SETMAR: variants seen among roughly 807,000 people sequenced by gnomAD.
SETMAR encodes the protein histone-lysine N-methyltransferase SETMAR.
In SETMAR, 44 loss-of-function variants were observed where a neutral mutation model predicts 58.4. The observed-to-expected ratio is 0.75, with a 90% CI of 0.59 to 0.97. SETMAR has a LOEUF of 0.97. Among genes scored for constraint, SETMAR ranks in the 50% least tolerant of loss-of-function variants. The pLI is 0.00. For missense variants in SETMAR, 903 were observed against 840.2 expected, an observed-to-expected ratio of 1.07 and a Z score of -0.92; for synonymous variants, 332 against 307.4, an observed-to-expected ratio of 1.08 and a Z score of -0.84.
In SETMAR at chr3:4,313,164, C is replaced by G. The variant is rs777727953; in HGVS notation, c.423C>G (p.Phe141Leu). 6 of 1,613,998 alleles carry G rather than the reference C, an allele frequency of 3.7e-6. No homozygotes were observed. The highest frequency in any genetic ancestry group is 3.3e-5 in the Admixed American group (2 of 59,976). ...RVVQKGLQFHFQVFKTHKKGW... is the reference protein window; with the variant it reads ...RVVQKGLQFHLQVFKTHKKGW... The stretch of plus-strand genomic sequence containing the variant: ...TCCAGAAAGGTCTACAGTTCCACTT[C>G]CAAGTGTTCAAGACGCATAAAAAAG... Residue 141 changes from phenylalanine to leucine, a missense_variant, in exon 2 of 3, where the codon TTC becomes TTG. Phe to Leu is a conservative substitution (Grantham distance 22). Transcript: ENST00000358065.
At position 4,303,426 on chromosome 3, in the gene SETMAR, A is replaced by G. The variant is rs1032777383; in HGVS notation, c.56A>G (p.Glu19Gly). The part of the protein sequence containing the change: ...TRPCGMAEFK[E>G]KPEAPTEQLD... ...CCTTGTGGGATGGCGGAGTTTAAGG[A>G]GAAGCCTGAGGCCCCGACTGAGCAG... is the stretch of plus-strand genomic sequence containing the variant. The change falls in exon 1 of 3, where the codon GAG becomes GGG. Residue 19 changes from glutamate (E) to glycine (G), a missense_variant. By Grantham distance (98) the Glu-to-Gly change is moderately conservative (BLOSUM62 -2). Transcript: ENST00000358065. 3 of 1,554,504 alleles carry G rather than the reference A, an allele frequency of 1.9e-6. No individual in the cohort carries two copies. Among genetic ancestry groups the G allele is most frequent in the Admixed American group, 2.0e-5 (1 of 49,938 alleles).
Position 4,313,134 on chromosome 3 carries a change from A to G in SETMAR, c.393A>G (p.Arg131=), listed in dbSNP as rs751241391. The G allele has an allele frequency of 6.2e-7, 1 of 1,614,096 alleles. No individual in the cohort carries two copies. The highest frequency in any genetic ancestry group is 1.1e-5 in the South Asian group (1 of 91,080). The part of the protein sequence containing the change: ...LCRCSDHCRN[R]VVQKGLQFHF... ...GATGCAGTGACCACTGCAGAAACAG[A>G]GTGGTCCAGAAAGGTCTACAGTTCC... Residue 131 remains arginine (R), a synonymous_variant, in exon 2 of 3, where the codon AGA becomes AGG. Coordinates refer to ENST00000358065, the MANE Select transcript of SETMAR (RefSeq NM_006515.4).
At position 4,313,235 on chromosome 3, in the gene SETMAR, T is replaced by G. The variant is rs1698489956; in HGVS notation, c.494T>G (p.Val165Gly). Residue 165 changes from valine (V) to glycine (G), a missense_variant, in exon 2 of 3, where the codon GTC becomes GGC. Coordinates refer to ENST00000358065, the MANE Select transcript of SETMAR (RefSeq NM_006515.4). The stretch of plus-strand genomic sequence containing the variant: ...GAATTTATACCGAAAGGAAGGTTTG[T>G]CTGTGAATATGCTGGTGAGGTTTTA... ...TLEFIPKGRF[V>G]CEYAGEVLGF... is the part of the protein sequence containing the mutation. The G allele has an allele frequency of 6.2e-7, 1 of 1,613,884 alleles. No homozygotes were observed. The highest frequency in any genetic ancestry group is 8.5e-7 in the Non-Finnish European group (1 of 1,179,998).
chr3:4,304,625 T>G (rs960568545), intron 1 of SETMAR, among the ~76,000 whole-genome samples: 4 of 152,158 alleles, frequency 2.6e-5, no homozygotes, highest in African/African-American at 9.7e-5. Flanking sequence ...AATAATAATT[T>G]AAAAATGCAT....
intron 1 of SETMAR, 150 bp from the exon 2 acceptor site, chr3:4,312,748 T>C (rs1243508771): frequency 2.3e-6 from 2 of 878,002 alleles, no homozygotes; most frequent in East Asian, 2.8e-5. Flanking sequence ...GAGATGTTTT[T>C]GGACAATATC....
chr3:4,306,907 G>A (rs1698211794), intron 1 of SETMAR, among the ~76,000 whole-genome samples: 1 of 152,188 alleles, frequency 6.6e-6, no homozygotes, highest in Non-Finnish European at 1.5e-5. Flanking sequence ...AAGCCAAGTA[G>A]AAAATAAACT....
intron 1 of SETMAR, among the ~76,000 whole-genome samples, chr3:4,308,026 TA>T (rs569000119): frequency 5.0e-4 from 74 of 147,090 alleles, no homozygotes; most frequent in Admixed American, 1.2e-3. Context: ...AGCAACGTCT[TA>T]AAAAAAAAAA....
chr3:4,317,067 G>T lies in SETMAR; in HGVS notation c.1876G>T (p.Val626Phe), dbSNP rs980707405. The T allele has an allele frequency of 3.2e-6, 5 of 1,549,190 alleles. No homozygotes were observed. The highest frequency in any genetic ancestry group is 4.4e-6 in the Non-Finnish European group (5 of 1,146,618). Residue 626 changes from valine (V) to phenylalanine (F), a missense_variant, in exon 3 of 3, where the codon GTC becomes TTC. By Grantham distance (50) the Val-to-Phe change is conservative. Transcript: ENST00000358065. The stretch of plus-strand genomic sequence containing the variant: ...TGACCTCTTGCCAACCAACTACCAC[G>T]TCTTTAAGCATCTCAACAACTTTTT... The part of the protein sequence containing the change: ...SPDLLPTNYH[V>F]FKHLNNFLQG...
rs1224420743 is a variant in SETMAR, at chr3:4,316,262, C to T, written c.1071C>T (p.Phe357=). ...DKKQIRAIFL[F]EFKMGRKAAE... ...AGCAAATTCGAGCAATTTTCTTATT[C>T]GAGTTCAAAATGGGTCGTAAAGCAG... The change falls in exon 3 of 3, where the codon TTC becomes TTT. Residue 357 remains phenylalanine (F), a synonymous_variant. Coordinates refer to ENST00000358065, the MANE Select transcript of SETMAR (RefSeq NM_006515.4). The T allele has an allele frequency of 1.2e-6, 1 of 820,142 alleles. No homozygotes were observed. Among genetic ancestry groups the T allele is most frequent in the Admixed American group, 2.0e-5 (1 of 49,952 alleles). 50.8% of individuals were successfully genotyped at this position (820,142 alleles called of 1,614,324 possible).
chr3:4,310,185 G>A (rs981401224), intron 1 of SETMAR, among the ~76,000 whole-genome samples: 5 of 152,166 alleles, frequency 3.3e-5, no homozygotes, highest in Admixed American at 3.3e-4. Context: ...TCATTATGCA[G>A]CACATGACTA....
intron 1 of SETMAR, among the ~76,000 whole-genome samples, chr3:4,306,265 CA>C (rs1412279325): frequency 1.3e-5 from 2 of 152,084 alleles, no homozygotes; most frequent in Non-Finnish European, 2.9e-5. Flanking sequence ...TTAATTAACT[CA>C]CTTTAAGCGT....
At chr3:4,313,795 C>G (rs755743949) in intron 2 of SETMAR, 34 bp downstream of exon 2, 19 of 1,612,542 alleles carry the variant, frequency 1.2e-5, no homozygotes, top group Admixed American at 1.7e-5. Flanking sequence ...GCTTGCCCCT[C>G]CCTATAGTGG....
intron 1 of SETMAR, chr3:4,303,828 G>C: frequency 7.3e-7 from 1 of 1,360,936 alleles, no homozygotes; most frequent in African/African-American, 1.5e-5. Flanking sequence ...GGCATCACGG[G>C]GGGAGTCATT....
At chr3:4,315,209 G>T (rs1028274732) in intron 2 of SETMAR, among the ~76,000 whole-genome samples, 1 of 152,138 alleles carries the variant, frequency 6.6e-6, no homozygotes, top group Non-Finnish European at 1.5e-5. Context: ...CTCTGAAGCA[G>T]TCCTGCTTTT....
chr3:4,316,791 A>C lies in SETMAR; in HGVS notation c.1600A>C (p.Thr534Pro), dbSNP rs1698675818. 1.9e-6 allele frequency: 3 copies of C among 1,550,642 alleles called. No individual in the cohort carries two copies. The highest frequency in any genetic ancestry group is 1.4e-5 in the African/African-American group (1 of 72,990). The part of the protein sequence containing the change: ...PILHPKKVMV[T>P]IWWSAAGLIH... ...CTTGCACCCAAAAAAGGTCATGGTC[A>C]CTATTTGGTGGTCTGCTGCTGGTCT... The change falls in exon 3 of 3, where the codon ACT (threonine) becomes CCT (proline). Residue 534 changes from threonine to proline, a missense_variant. Coordinates refer to ENST00000358065, the MANE Select transcript of SETMAR (RefSeq NM_006515.4).
Position 4,313,315 on chromosome 3 carries a change from T to C in SETMAR, c.574T>C (p.Tyr192His). 1 of 1,614,032 alleles carries C rather than the reference T, an allele frequency of 6.2e-7. No individual in the cohort carries two copies. Among genetic ancestry groups the C allele is most frequent in the Non-Finnish European group, 8.5e-7 (1 of 1,179,966 alleles). Residue 192 changes from tyrosine to histidine, a missense_variant, in exon 2 of 3, where the codon TAC becomes CAC. Transcript: ENST00000358065. ...IHLQTKSDSN[Y>H]IIAIREHVYN... ...CTTACAAACAAAATCCGACTCCAAT[T>C]ACATTATAGCCATCAGGGAACATGT...
At chr3:4,306,936 A>T (rs1363139520) in intron 1 of SETMAR, among the ~76,000 whole-genome samples, 1 of 152,258 alleles carries the variant, frequency 6.6e-6, no homozygotes, top group Non-Finnish European at 1.5e-5. Flanking sequence ...TTATTGAGCT[A>T]ACAGTTGGAT....
chr3:4,303,880 C>G, intron 1 of SETMAR: 1 of 1,274,894 alleles, frequency 7.8e-7, no homozygotes, highest in Non-Finnish European at 1.0e-6. Context: ...TAGGATAAGC[C>G]GTGGGGCCTA....
chr3:4,308,847 C>T (rs60625167), intron 1 of SETMAR, among the ~76,000 whole-genome samples: 1,999 of 124,872 alleles, frequency 0.016, 48 homozygotes, highest in African/African-American at 0.051. Context: ...GAGTCAAACT[C>T]TGCAAAATAT....
Sources: gnomAD v4.1 joint callset for allele counts (sites outside exome capture counted in the v4.1 genomes callset) on GRCh38, gnomAD v4.1.1 for gene constraint, MANE v1.5 for transcripts, NCBI Gene and HGNC (gene_info 2026-07-23, HGNC 2026-07-21) for gene names.